TCF7L2: variants seen among roughly 807,000 people sequenced by gnomAD.
The protein encoded by TCF7L2 is transcription factor 7 like 2.
In TCF7L2, 23 loss-of-function variants were observed where a neutral mutation model predicts 77.9. The observed-to-expected ratio is 0.30, with a 90% CI of 0.21 to 0.42. The LOEUF (loss-of-function observed/expected upper bound fraction) is 0.42. Among genes scored for constraint, TCF7L2 ranks in the 10% least tolerant of loss-of-function variants. TCF7L2 has a pLI of 1.00. For missense variants in TCF7L2, 654 were observed against 793.1 expected (o/e 0.82, Z 2.11); for synonymous variants, 413 against 340.2 (o/e 1.21, Z -2.36).
chr10:112,987,074 C>G (rs1303812557), intron 4 of TCF7L2, among the ~76,000 whole-genome samples: 1 of 152,194 alleles, frequency 6.6e-6, no homozygotes. Context: ...GAAACGACAA[C>G]CCGAGTTGTT....
At chr10:113,023,613 AG>A (rs2048593440) in intron 4 of TCF7L2, among the ~76,000 whole-genome samples, 1 of 152,154 alleles carries the variant, frequency 6.6e-6, no homozygotes, top group Non-Finnish European at 1.5e-5. Flanking sequence ...CTGGGACTGC[AG>A]GTGTGCACCA....
At chr10:113,086,959 G>A (rs1373143233) in intron 5 of TCF7L2, among the ~76,000 whole-genome samples, 3 of 151,998 alleles carry the variant, frequency 2.0e-5, no homozygotes, top group Non-Finnish European at 4.4e-5. Context: ...GTGGGAAAGT[G>A]TGGTCTTGAG....
At chr10:112,973,311 C>G (rs2038685423) in intron 4 of TCF7L2, among the ~76,000 whole-genome samples, 1 of 152,138 alleles carries the variant, frequency 6.6e-6, no homozygotes, top group Non-Finnish European at 1.5e-5. Flanking sequence ...GCAAGGGTTC[C>G]CAGCTTGGAC....
intron 5 of TCF7L2, among the ~76,000 whole-genome samples, chr10:113,116,732 A>G (rs1476866973): frequency 2.0e-5 from 3 of 147,600 alleles, no homozygotes; most frequent in Non-Finnish European, 3.0e-5. Context: ...AAATAGATCC[A>G]TAGATAATCT....
At chr10:113,067,008 T>C (rs1207389496) in intron 5 of TCF7L2, among the ~76,000 whole-genome samples, 1 of 152,230 alleles carries the variant, frequency 6.6e-6, no homozygotes, top group Non-Finnish European at 1.5e-5. Context: ...TATACTGCTG[T>C]TCTTGTGTAT....
intron 11 of TCF7L2, among the ~76,000 whole-genome samples, chr10:113,153,075 C>G (rs1035245488): frequency 1.3e-5 from 2 of 152,178 alleles, no homozygotes; most frequent in African/African-American, 4.8e-5. Flanking sequence ...GTGTGCTATG[C>G]GGTGTGTGTG....
chr10:113,151,894 G>T lies in TCF7L2; in HGVS notation c.1161+10G>T, dbSNP rs745573276. 8 of 1,587,000 alleles carry T rather than the reference G, an allele frequency of 5.0e-6. No homozygotes were observed. The highest frequency in any genetic ancestry group is 5.1e-6 in the Non-Finnish European group (6 of 1,171,106). Reference sequence around the variant, plus strand: ...GATCCTTGGGCGGAGGGTAGGTGACGCCCTTCTCAGGGAGAAGCGGGGGGC... The same window carrying T: ...GATCCTTGGGCGGAGGGTAGGTGACTCCCTTCTCAGGGAGAAGCGGGGGGC... On this transcript the variant is annotated intron_variant, in intron 10 of 13. Transcript: ENST00000627217. The surrounding 1 kb of genome is among the most constrained non-coding windows in gnomAD (Gnocchi z 5.2).
chr10:113,089,768 G>T (rs987259603), intron 5 of TCF7L2, among the ~76,000 whole-genome samples: 1 of 152,112 alleles, frequency 6.6e-6, no homozygotes, highest in Non-Finnish European at 1.5e-5. Context: ...GGTGGTGCTC[G>T]CATGACTCCA....
rs528575831 is a variant in TCF7L2, at chr10:113,160,532, A to G, written c.1319-87A>G. The G allele has an allele frequency of 5.6e-6, 7 of 1,243,312 alleles. No homozygotes were observed. In the East Asian group the frequency reaches 1.9e-4, roughly 34 times the overall value. The allele number at this position is 1,243,312 out of a possible 1,614,324, so 77.0% of individuals were successfully genotyped here. A position where few individuals can be genotyped will look rare whatever the true frequency, so the allele number is the denominator to read the frequency against. On this transcript the variant is annotated intron_variant, in intron 12 of 13. Transcript: ENST00000627217. ...AAATAGAACCAAGGTGATAGAGAAG[A>G]AAAGGAAGCTGTAGCTGAGATTTCA... is the stretch of plus-strand genomic sequence containing the variant.
rs2074003341 is a variant in TCF7L2 at position 113,165,714 on chromosome 10, G to C, written c.1551G>C (p.Leu517=). 4 of 1,608,274 alleles carry C rather than the reference G, an allele frequency of 2.5e-6. No individual in the cohort carries two copies. In the Admixed American group the frequency reaches 6.8e-5, roughly 27 times the overall value. The change falls in exon 14 of 14, where the codon CTG becomes CTC. Residue 517 remains leucine (L), a synonymous_variant. Coordinates refer to ENST00000627217, the MANE Select transcript of TCF7L2 (RefSeq NM_001146274.2). ...CACAGACTGAGCAGACCCAGCCTCT[G>C]TCGCTGTCCCTGAAGCCCGACCCCC... is the stretch of plus-strand genomic sequence containing the variant.
chr10:113,083,599 G>A (rs960211291), intron 5 of TCF7L2, among the ~76,000 whole-genome samples: 5 of 152,192 alleles, frequency 3.3e-5, no homozygotes, highest in Non-Finnish European at 7.3e-5. Context: ...AGCTGGATCA[G>A]TGTGACCTGT....
intron 12 of TCF7L2, among the ~76,000 whole-genome samples, chr10:113,159,038 G>C (rs2072567127): frequency 6.6e-6 from 1 of 151,808 alleles, no homozygotes; most frequent in Admixed American, 6.5e-5. Flanking sequence ...AAAAAAAATG[G>C]AAGGAATTCA....
intron 5 of TCF7L2, among the ~76,000 whole-genome samples, chr10:113,070,230 T>C (rs1416624347): frequency 6.8e-6 from 1 of 146,444 alleles, no homozygotes; most frequent in Non-Finnish European, 1.5e-5. Context: ...CACTCCAGCC[T>C]GGCGACAGAG....
chr10:113,153,688 C>T (rs1314550330), intron 11 of TCF7L2, among the ~76,000 whole-genome samples: 1 of 152,190 alleles, frequency 6.6e-6, no homozygotes, highest in Non-Finnish European at 1.5e-5. Context: ...TGTGACCCAA[C>T]CTAACTGCAG....
chr10:113,129,026 A>G (rs1051732531), intron 5 of TCF7L2, among the ~76,000 whole-genome samples: 1 of 151,956 alleles, frequency 6.6e-6, no homozygotes, highest in African/African-American at 2.4e-5. Flanking sequence ...TAGCATTCTG[A>G]CTATTGGAAT....
rs1393888532 is a variant in TCF7L2 at position 112,986,543 on chromosome 10, A to T, written c.450+21919A>T. ...TTCTCAAGTGAGTCAATCTAGTTTAATTTATTTCAGGTCTATCAAAAAAGA... is the reference window on the plus strand; with the variant it reads ...TTCTCAAGTGAGTCAATCTAGTTTATTTTATTTCAGGTCTATCAAAAAAGA... On this transcript the variant is annotated intron_variant, in intron 4 of 13. Coordinates refer to ENST00000627217, the MANE Select transcript of TCF7L2 (RefSeq NM_001146274.2). Among the ~76,000 whole-genome samples, 3 of 152,140 alleles carry T rather than the reference A, an allele frequency of 2.0e-5. No individual in the cohort carries two copies. The East Asian group carries it at 5.8e-4, about 29-fold the overall frequency.
chr10:113,028,609 G>T (rs1405622655), intron 4 of TCF7L2, among the ~76,000 whole-genome samples: 1 of 152,202 alleles, frequency 6.6e-6, no homozygotes, highest in East Asian at 1.9e-4. Context: ...AGGACACGGA[G>T]CCCAGCCTGT....
chr10:113,066,506 A>G (rs2057286570), intron 5 of TCF7L2, among the ~76,000 whole-genome samples: 1 of 152,210 alleles, frequency 6.6e-6, no homozygotes, highest in South Asian at 2.1e-4. Flanking sequence ...CGAGTCTTCA[A>G]ATGGAGGAAA....
chr10:112,990,041 C>T (rs1282440431), intron 4 of TCF7L2, among the ~76,000 whole-genome samples: 4 of 152,248 alleles, frequency 2.6e-5, no homozygotes, highest in Non-Finnish European at 5.9e-5. Flanking sequence ...TTCAGGTTGG[C>T]ACGTTGCAGA....
Sources: allele counts gnomAD v4.1 joint callset (sites outside exome capture counted in the v4.1 genomes callset), GRCh38; gene constraint gnomAD v4.1.1; non-coding constraint Gnocchi (gnomAD v3.1); transcripts MANE v1.5; gene names NCBI Gene and HGNC (gene_info 2026-07-23, HGNC 2026-07-21).